TNIK: variants seen among roughly 807,000 people sequenced by gnomAD.
The protein encoded by TNIK is TRAF2 and NCK-interacting protein kinase.
Under a neutral mutation model 191.3 loss-of-function variants are expected in TNIK, and 49 were observed. That is an observed-to-expected ratio of 0.26 (90% CI 0.20 to 0.32). The LOEUF is 0.32. TNIK is among the 10% of genes least tolerant of loss of function. The pLI, the probability that TNIK is intolerant of heterozygous loss-of-function variation, is 1.00. For synonymous variants in TNIK, 594 were observed against 600.9 expected, an observed-to-expected ratio of 0.99 and a Z score of 0.17; for missense variants, 1,155 against 1,702.3, an observed-to-expected ratio of 0.68 and a Z score of 5.66.
chr3:171,302,604 A>G (rs1328329802), intron 2 of TNIK, among the ~76,000 whole-genome samples: 2 of 152,332 alleles, frequency 1.3e-5, no homozygotes, highest in South Asian at 4.1e-4. Context: ...TGAATTATGA[A>G]TTCTTTGCTG....
intron 2 of TNIK, among the ~76,000 whole-genome samples, chr3:171,278,923 C>T (rs1750106689): frequency 1.3e-5 from 2 of 152,112 alleles, no homozygotes; most frequent in South Asian, 4.1e-4. Context: ...TTAAATGATA[C>T]TGCCCCAAGT....
chr3:171,205,893 A>C (rs1740010607), intron 4 of TNIK, among the ~76,000 whole-genome samples: 1 of 152,222 alleles, frequency 6.6e-6, no homozygotes, highest in Admixed American at 6.5e-5. Flanking sequence ...AATCCCATTT[A>C]TAAGGGCTCC....
Position 171,066,630 on chromosome 3 carries a change from C to T in TNIK, c.3805G>A (p.Gly1269Ser), listed in dbSNP as rs1485928372. The change falls in exon 31 of 33, where the codon GGC (glycine) becomes AGC (serine). Residue 1269 changes from glycine (G) to serine (S), a missense_variant. Physicochemically the swap from Gly to Ser is moderately conservative, Grantham distance 56. Coordinates refer to ENST00000436636, the MANE Select transcript of TNIK (RefSeq NM_015028.4). ...AGCACCACATCCTTAGTTATCCGGC[C>T]ATAGGTGTTTACATACACCCCCTCA... Reference protein sequence around the residue: ...EDEGVYVNTYGRITKDVVLQW... With the variant: ...EDEGVYVNTYSRITKDVVLQW... 1 of 1,613,838 alleles carries T rather than the reference C, an allele frequency of 6.2e-7. No individual in the cohort carries two copies. The highest frequency in any genetic ancestry group is 8.5e-7 in the Non-Finnish European group (1 of 1,179,862).
chr3:171,371,804 T>C (rs1716527805), intron 1 of TNIK, among the ~76,000 whole-genome samples: 1 of 152,222 alleles, frequency 6.6e-6, no homozygotes, highest in Admixed American at 6.5e-5. Flanking sequence ...TGGTGGCAGC[T>C]GCTGTTTGTT....
intron 2 of TNIK, among the ~76,000 whole-genome samples, chr3:171,282,651 C>T (rs970540696): frequency 6.6e-6 from 1 of 152,018 alleles, no homozygotes; most frequent in Non-Finnish European, 1.5e-5. Context: ...GCCTCTTAAT[C>T]GTATCTTAAA....
rs979628095 is a variant in TNIK at position 171,238,167 on chromosome 3, A to G, written c.124-9946T>C. Among the ~76,000 whole-genome samples the G allele has an allele frequency of 9.2e-5, 14 of 152,316 alleles. No homozygotes were observed. In the South Asian group the frequency reaches 2.7e-3, roughly 29 times the overall value. On this transcript the variant is annotated intron_variant, in intron 2 of 32. Coordinates refer to ENST00000436636, the MANE Select transcript of TNIK (RefSeq NM_015028.4). ...AGGAGGGTGAGAGGACAAAAAGGAC[A>G]TTAGAAAACTGAAAGTTGTTTTATA...
intron 1 of TNIK, among the ~76,000 whole-genome samples, chr3:171,419,762 TTAATAAC>T (rs199959847): frequency 0.014 from 2,149 of 152,332 alleles, 22 homozygotes; most frequent in South Asian, 0.04. Flanking sequence ...TCCTAAGCAC[TTAATAAC>T]TAATGGTCAT....
chr3:171,231,089 A>T (rs2108999419), intron 2 of TNIK, among the ~76,000 whole-genome samples: 1 of 152,324 alleles, frequency 6.6e-6, no homozygotes, highest in African/African-American at 2.4e-5. Flanking sequence ...TGTTACAAGG[A>T]CACCTCAACA....
intron 2 of TNIK, among the ~76,000 whole-genome samples, chr3:171,322,273 T>A (rs879868231): frequency 6.6e-6 from 1 of 152,142 alleles, no homozygotes; most frequent in Admixed American, 6.5e-5. Flanking sequence ...TTTCTTTCAA[T>A]AAATATCTTT....
In TNIK at chr3:171,193,465, G is replaced by T. The variant is rs578123687; in HGVS notation, c.417+1060C>A. ...ATAATGTACACCTCCATTTATTAAG[G>T]TCTTCTTTAATATTTCTCAGTGATA... On this transcript the variant is annotated intron_variant, in intron 5 of 32. Transcript: ENST00000436636. Among the ~76,000 whole-genome samples, 187 of 152,194 alleles carry T rather than the reference G, an allele frequency of 1.2e-3. 1 individual carries two copies. The highest frequency in any genetic ancestry group is 1.9e-3 in the Non-Finnish European group (128 of 68,006).
At chr3:171,305,355 T>C (rs954033467) in intron 2 of TNIK, among the ~76,000 whole-genome samples, 2 of 151,722 alleles carry the variant, frequency 1.3e-5, no homozygotes, top group African/African-American at 4.9e-5. Flanking sequence ...AAAGCAAAAC[T>C]TGACAAATGG....
At chr3:171,405,853 C>G (rs186825298) in intron 1 of TNIK, among the ~76,000 whole-genome samples, 1 of 152,064 alleles carries the variant, frequency 6.6e-6, no homozygotes, top group Non-Finnish European at 1.5e-5. Context: ...ACAGTCTTAC[C>G]TCAAAAACCA....
At chr3:171,284,125 C>T (rs1015548338) in intron 2 of TNIK, among the ~76,000 whole-genome samples, 5 of 151,976 alleles carry the variant, frequency 3.3e-5, no homozygotes, top group Admixed American at 1.3e-4. Flanking sequence ...TGGAGGGGGG[C>T]GGCAGGGAGG....
chr3:171,119,451 A>G (rs745917046), intron 18 of TNIK, among the ~76,000 whole-genome samples: 11 of 152,218 alleles, frequency 7.2e-5, no homozygotes, highest in Admixed American at 2.0e-4. Context: ...GTATATACCC[A>G]AAGGATTATA....
intron 2 of TNIK, among the ~76,000 whole-genome samples, chr3:171,351,267 A>ATGTGTGTGTGTGTGTGTGTG (rs1161906508): frequency 1.1e-4 from 5 of 45,886 alleles, no homozygotes; most frequent in Non-Finnish European, 1.7e-4. Context: ...ATATATATGT[A>ATGTGTGTGTGTGTGTGTGTG]TATATGTGTG....
chr3:171,286,359 GGAA>G (rs1406829470), intron 2 of TNIK, among the ~76,000 whole-genome samples: 3 of 152,140 alleles, frequency 2.0e-5, no homozygotes, highest in Non-Finnish European at 4.4e-5. Context: ...AGGTATCTCT[GGAA>G]GAAGAAGGTC....
rs557166947 is a variant in TNIK at position 171,354,184 on chromosome 3, T to G, written c.123+15436A>C. ...ATATGTAGATTTACACACCTTTGTA[T>G]AGCTATCCTTGTTTTAAAAAACTAA... On this transcript the variant is annotated intron_variant, in intron 2 of 32. Transcript: ENST00000436636. Among the ~76,000 whole-genome samples the G allele has an allele frequency of 2.0e-5, 3 of 152,324 alleles. No individual in the cohort carries two copies. In the South Asian group the frequency reaches 6.2e-4, roughly 32 times the overall value.
At chr3:171,155,992 TA>T (rs1292374080) in intron 12 of TNIK, among the ~76,000 whole-genome samples, 2 of 152,310 alleles carry the variant, frequency 1.3e-5, no homozygotes, top group African/African-American at 4.8e-5. Flanking sequence ...TTGTGAGGAT[TA>T]AATGAGACAA....
chr3:171,094,035 T>C (rs566969209), intron 22 of TNIK, 67 bp from the exon 23 acceptor site: 11 of 1,547,608 alleles, frequency 7.1e-6, no homozygotes, highest in Non-Finnish European at 8.7e-6. Flanking sequence ...CTGTCCATAT[T>C]CATTATTTTT....
Sources: allele counts gnomAD v4.1 joint callset (sites outside exome capture counted in the v4.1 genomes callset), GRCh38; gene constraint gnomAD v4.1.1; transcripts MANE v1.5; gene names NCBI Gene and HGNC (gene_info 2026-07-23, HGNC 2026-07-21).